Variants in POLA2 observed in about 807,000 individuals in gnomAD.
The protein encoded by POLA2 is DNA polymerase alpha 2, accessory subunit.
POLA2 carries 47 observed loss-of-function variants against 82.8 expected under a neutral mutation model. That is an observed-to-expected ratio of 0.57 (90% CI 0.45 to 0.72). The LOEUF is 0.72. POLA2 is among the 30% of genes least tolerant of loss of function. The probability of loss-of-function intolerance (pLI) is 0.00; values close to 1 mark genes in which losing one functional copy is unlikely to be tolerated. For missense variants in POLA2, 634 were observed against 728.1 expected (o/e 0.87, Z 1.49); for synonymous variants, 287 against 286.8 (o/e 1.00, Z -0.01).
intron 4 of POLA2, among the ~76,000 whole-genome samples, chr11:65,272,871 G>A (rs141771979): frequency 1.5e-3 from 228 of 151,526 alleles, no homozygotes; most frequent in African/African-American, 5.2e-3. Flanking sequence ...AATATTAGCC[G>A]GGCGTGGCAG....
chr11:65,287,613 C>T lies in POLA2; in HGVS notation c.1007-103C>T. 4.7e-6 allele frequency: 5 copies of T among 1,063,870 alleles called. No homozygotes were observed. In the South Asian group the frequency reaches 7.8e-5, roughly 17 times the overall value. 65.9% of individuals were successfully genotyped at this position (1,063,870 alleles called of 1,614,324 possible). The stretch of plus-strand genomic sequence containing the variant: ...TCCCCAGAGTTTCACACATAAAGGA[C>T]TCAATGAGTTAAATCCTGTGGCATT... On this transcript the variant is annotated intron_variant, in intron 10 of 17. Transcript: ENST00000265465.
At chr11:65,290,927 G>A (rs1949748671) in intron 13 of POLA2, among the ~76,000 whole-genome samples, 1 of 152,336 alleles carries the variant, frequency 6.6e-6, no homozygotes, top group Non-Finnish European at 1.5e-5. Flanking sequence ...AGCTGGTGGT[G>A]ATAGAAACTC....
chr11:65,282,645 A>C (rs746607459), intron 10 of POLA2, 124 bp downstream of exon 10: 4 of 804,960 alleles, frequency 5.0e-6, no homozygotes, highest in Non-Finnish European at 8.6e-6. Flanking sequence ...CCAAGCAGTG[A>C]GGGCGCCACC....
intron 8 of POLA2, among the ~76,000 whole-genome samples, chr11:65,304,327 CCATA>C (rs1427736837): frequency 6.7e-6 from 1 of 148,694 alleles, no homozygotes; most frequent in Non-Finnish European, 1.5e-5. Context: ...ATCCATCCAT[CCATA>C]GACTTAACCA....
intron 5 of POLA2, among the ~76,000 whole-genome samples, chr11:65,276,481 T>C (rs756611541): frequency 4.6e-5 from 7 of 152,208 alleles, no homozygotes; most frequent in Non-Finnish European, 7.3e-5. Context: ...AACTAGTTTC[T>C]GAGAGTTTTC....
In POLA2 at chr11:65,262,325, G is replaced by C. The variant is rs1256012426; in HGVS notation, c.33G>C (p.Glu11Asp). 1.2e-6 allele frequency: 2 copies of C among 1,613,844 alleles called. No homozygotes were observed. The highest frequency in any genetic ancestry group is 1.7e-6 in the Non-Finnish European group (2 of 1,179,886). Residue 11 changes from glutamate (E) to aspartate (D), a missense_variant, in exon 1 of 18, where the codon GAG (glutamate) becomes GAC (aspartate). Transcript: ENST00000265465. MSASAQQLAE[E>D]LQIFGLDCEE... is the part of the protein sequence containing the mutation. ...CATCCGCCCAGCAGCTGGCGGAGGA[G>C]CTGCAGATCTTCGGCCTAGACTGCG...
intron 13 of POLA2, among the ~76,000 whole-genome samples, chr11:65,292,848 G>A (rs1668501776): frequency 6.6e-6 from 1 of 152,230 alleles, no homozygotes; most frequent in Admixed American, 6.5e-5. Context: ...AGAGATGGAA[G>A]TGAGAGCTAT....
At chr11:65,264,378 T>C (rs1454555978) in intron 1 of POLA2, among the ~76,000 whole-genome samples, 1 of 152,146 alleles carries the variant, frequency 6.6e-6, no homozygotes, top group Non-Finnish European at 1.5e-5. Flanking sequence ...CTACTTTTTG[T>C]ATTTTCAGTA....
chr11:65,269,501 A>AAC (rs1565469069), intron 4 of POLA2, among the ~76,000 whole-genome samples: 3 of 147,704 alleles, frequency 2.0e-5, no homozygotes, highest in South Asian at 2.2e-4. Flanking sequence ...AAAAAAAAAA[A>AAC]AACAACAACA....
At chr11:65,287,940 G>A in intron 11 of POLA2, 100 bp downstream of exon 11, 3 of 1,135,988 alleles carry the variant, frequency 2.6e-6, no homozygotes, top group South Asian at 3.0e-5. Context: ...CCTCCTTTTA[G>A]AAAATATCTT....
intron 12 of POLA2, among the ~76,000 whole-genome samples, chr11:65,289,410 C>G (rs1256388293): frequency 6.6e-6 from 1 of 152,222 alleles, no homozygotes; most frequent in Admixed American, 6.5e-5. Flanking sequence ...TGTGAAAGAA[C>G]CTGTCCTGGC....
At chr11:65,274,994 A>G (rs1375271382) in intron 4 of POLA2, among the ~76,000 whole-genome samples, 2 of 152,156 alleles carry the variant, frequency 1.3e-5, no homozygotes, top group Non-Finnish European at 2.9e-5. Flanking sequence ...CCCCTGGCCT[A>G]GAAAAATATT....
At chr11:65,274,541 G>A (rs1267100293) in intron 4 of POLA2, among the ~76,000 whole-genome samples, 3 of 151,826 alleles carry the variant, frequency 2.0e-5, no homozygotes, top group African/African-American at 7.3e-5. Context: ...TTAGCTGGAT[G>A]TGGTGGCGGG....
chr11:65,262,819 G>A (rs1039611696), intron 1 of POLA2, among the ~76,000 whole-genome samples: 5 of 152,304 alleles, frequency 3.3e-5, no homozygotes, highest in African/African-American at 9.6e-5. Context: ...TATCATAGCT[G>A]TTGGTGGTCT....
chr11:65,271,838 G>GAAAA (rs1213411869), intron 4 of POLA2, among the ~76,000 whole-genome samples: 1 of 83,338 alleles, frequency 1.2e-5, no homozygotes, highest in Non-Finnish European at 2.5e-5. Flanking sequence ...GACTCCGTCT[G>GAAAA]AAAAAAAAAA....
At chr11:65,288,385 C>T (rs999014635) in intron 11 of POLA2, among the ~76,000 whole-genome samples, 3 of 152,146 alleles carry the variant, frequency 2.0e-5, no homozygotes, top group African/African-American at 4.8e-5. Context: ...TTTCTCATTA[C>T]TCCAACTTCT....
intron 15 of POLA2, among the ~76,000 whole-genome samples, chr11:65,295,336 C>G (rs1949798492): frequency 2.0e-5 from 3 of 152,156 alleles, no homozygotes; most frequent in African/African-American, 7.2e-5. Flanking sequence ...CCCTTCTCAA[C>G]CTGGTGTCCT....
chr11:65,278,793 C>T lies in POLA2; in HGVS notation c.525C>T (p.Gly175=), dbSNP rs1949608857. ...GAGGAGAAGTGGTTACCTCCTTCGGCTTAGCACAGGGAGTATCTTGGTCTG... is the reference window on the plus strand; with the variant it reads ...GAGGAGAAGTGGTTACCTCCTTCGGTTTAGCACAGGGAGTATCTTGGTCTG... ...SNRGEVVTSF[G]LAQGVSWSGR... is the part of the protein sequence containing the mutation. The change falls in exon 6 of 18, where the codon GGC becomes GGT. Residue 175 remains glycine (G), a synonymous_variant. Coordinates refer to ENST00000265465, the MANE Select transcript of POLA2 (RefSeq NM_002689.4). 6.2e-7 allele frequency: 1 copy of T among 1,613,884 alleles called. No individual in the cohort carries two copies.
chr11:65,282,335 G>T, intron 9 of POLA2, 144 bp from the exon 10 acceptor site: 1 of 693,700 alleles, frequency 1.4e-6, no homozygotes, highest in African/African-American at 1.8e-5. Context: ...GCAAGACAGA[G>T]GCACATCCTT....
Sources: allele counts gnomAD v4.1 joint callset (sites outside exome capture counted in the v4.1 genomes callset), GRCh38; gene constraint gnomAD v4.1.1; transcripts MANE v1.5; gene names NCBI Gene and HGNC (gene_info 2026-07-23, HGNC 2026-07-21).